Variants in SECISBP2 observed in about 807,000 individuals in gnomAD.
SECISBP2 encodes selenocysteine insertion sequence-binding protein 2.
In SECISBP2, 96 loss-of-function variants were observed where a neutral mutation model predicts 98.2. The ratio of observed to expected loss-of-function variants is 0.98; its 90% CI spans 0.83 to 1.16. The LOEUF is 1.16. Ranked by LOEUF, SECISBP2 falls within the 50% of genes most tolerant of loss-of-function variation. The probability of loss-of-function intolerance (pLI) is 0.00; values close to 1 mark genes in which losing one functional copy is unlikely to be tolerated. For synonymous variants in SECISBP2, 407 were observed against 370.2 expected, an observed-to-expected ratio of 1.10 and a Z score of -1.14; for missense variants, 1,046 against 1,022.9, an observed-to-expected ratio of 1.02 and a Z score of -0.31.
At position 89,341,407 on chromosome 9, in the gene SECISBP2, A is replaced by G. The variant is rs1336714627; in HGVS notation, c.1363A>G (p.Met455Val). 9 of 1,614,012 alleles carry G rather than the reference A, an allele frequency of 5.6e-6. No homozygotes were observed. The highest frequency in any genetic ancestry group is 5.0e-5 in the Admixed American group (3 of 60,010). Residue 455 changes from methionine (M) to valine (V), a missense_variant, in exon 10 of 17, where the codon ATG becomes GTG. By Grantham distance (21) the Met-to-Val change is conservative (BLOSUM62 1). Coordinates refer to ENST00000375807, the MANE Select transcript of SECISBP2 (RefSeq NM_024077.5). ...QLPVQLDLGG[M>V]LTALEKKQHS... is the part of the protein sequence containing the mutation. ...TCCAGTGCAGTTGGACTTGGGGGGC[A>G]TGCTGACAGCCCTGGAGAAGAAGCA... is the stretch of plus-strand genomic sequence containing the variant.
At position 89,324,930 on chromosome 9, in the gene SECISBP2, T is replaced by C. The variant is rs1826427326; in HGVS notation, c.183-497T>C. On this transcript the variant is annotated intron_variant, in intron 2 of 16. Transcript: ENST00000375807. ...CTGTTAGTAAAGTGTGTAGTTAACATCCACGGTGCCGTGCGGTGTCTGCTT... is the reference window on the plus strand; with the variant it reads ...CTGTTAGTAAAGTGTGTAGTTAACACCCACGGTGCCGTGCGGTGTCTGCTT... The C allele has an allele frequency of 2.8e-5, 5 of 178,138 alleles. 1 individual carries two copies. In the South Asian group the frequency reaches 5.9e-4, roughly 21 times the overall value. The allele number at this position is 178,138 out of a possible 1,614,324, so 11.0% of individuals were successfully genotyped here.
chr9:89,363,401 CCTTT>C (rs762557165), downstream of SECISBP2: 20 of 1,607,614 alleles, frequency 1.2e-5, no homozygotes, highest in South Asian at 1.1e-4. Flanking sequence ...CTCCAGCCCT[CCTTT>C]CTTTGCCCGG....
At chr9:89,357,890 T>A in intron 15 of SECISBP2, 109 bp from the exon 16 acceptor site, 2 of 1,213,432 alleles carry the variant, frequency 1.6e-6, no homozygotes, top group African/African-American at 3.0e-5. Flanking sequence ...GAGGTCCACA[T>A]TACCCCATGT....
At position 89,341,421 on chromosome 9, in the gene SECISBP2, G is replaced by T; in HGVS notation, c.1377G>T (p.Leu459=). The T allele has an allele frequency of 6.2e-7, 1 of 1,614,112 alleles. No homozygotes were observed. Among genetic ancestry groups the T allele is most frequent in the Non-Finnish European group, 8.5e-7 (1 of 1,179,982 alleles). The change falls in exon 10 of 17, where the codon CTG becomes CTT. Residue 459 remains leucine (L), a synonymous_variant. Coordinates refer to ENST00000375807, the MANE Select transcript of SECISBP2 (RefSeq NM_024077.5). ...ACTTGGGGGGCATGCTGACAGCCCTGGAGAAGAAGCAGCACTCTCAGCATG... is the reference window on the plus strand; with the variant it reads ...ACTTGGGGGGCATGCTGACAGCCCTTGAGAAGAAGCAGCACTCTCAGCATG... ...QLDLGGMLTA[L]EKKQHSQHAK... is the part of the protein sequence containing the mutation.
intron 5 of SECISBP2, chr9:89,330,201 TC>T (rs973363119): frequency 6.6e-6 from 1 of 152,254 alleles, no homozygotes; most frequent in Non-Finnish European, 1.5e-5. Context: ...TACATCTTTG[TC>T]TTGTTAATGA....
intron 4 of SECISBP2, among the ~76,000 whole-genome samples, chr9:89,327,832 A>G (rs1424460666): frequency 6.9e-6 from 1 of 144,924 alleles, no homozygotes; most frequent in Non-Finnish European, 1.5e-5. Flanking sequence ...TTTTTTTGAG[A>G]CAGAGTCTCA....
chr9:89,329,629 T>C (rs1173306212), intron 5 of SECISBP2: 2 of 152,200 alleles, frequency 1.3e-5, no homozygotes, highest in Non-Finnish European at 2.9e-5. Context: ...ATCTGGCTAA[T>C]TTTTTTGTAT....
At chr9:89,364,021 A>AG (rs770320800), downstream of SECISBP2, 3 of 1,612,838 alleles carry the variant, frequency 1.9e-6, no homozygotes, top group East Asian at 4.5e-5. Flanking sequence ...ATGAGGGTGC[A>AG]GGGGGGTTAC....
chr9:89,319,734 C>A lies in SECISBP2; in HGVS notation c.119C>A (p.Ala40Glu), dbSNP rs897562021. ...GTGGCATGGTTAGAGTCCTCAGAAG[C>A]ATGTGTCTTCCCCAGCTCTGCAGCC... ...LNVAWLESSE[A>E]CVFPSSAATY... Residue 40 changes from alanine to glutamate, a missense_variant, in exon 2 of 17, where the codon GCA becomes GAA. Ala to Glu is a moderately radical substitution (Grantham distance 107). Coordinates refer to ENST00000375807, the MANE Select transcript of SECISBP2 (RefSeq NM_024077.5). 1.9e-6 allele frequency: 3 copies of A among 1,614,140 alleles called. No homozygotes were observed. The highest frequency in any genetic ancestry group is 2.5e-6 in the Non-Finnish European group (3 of 1,179,976).
intron 2 of SECISBP2, chr9:89,325,084 A>C: frequency 6.0e-6 from 2 of 335,944 alleles, no homozygotes; most frequent in Non-Finnish European, 1.1e-5. Context: ...TCCCCGCAGC[A>C]GAGAGAATGG....
rs1829648127 is a variant in SECISBP2 at position 89,341,482 on chromosome 9, A to G, written c.1435+3A>G. The G allele has an allele frequency of 6.2e-7, 1 of 1,613,924 alleles. No individual in the cohort carries two copies. The highest frequency in any genetic ancestry group is 8.5e-7 in the Non-Finnish European group (1 of 1,179,986). ...CTCCAAACCAGTGGTAGTCTCAGGT[A>G]AGAGAGTCTTTCCATCTCAGGCAAG... On this transcript the variant is annotated splice_donor_region_variant and intron_variant, in intron 10 of 16. Coordinates refer to ENST00000375807, the MANE Select transcript of SECISBP2 (RefSeq NM_024077.5).
intron 6 of SECISBP2, among the ~76,000 whole-genome samples, chr9:89,333,856 C>T (rs1381364080): frequency 2.0e-5 from 3 of 152,078 alleles, no homozygotes; most frequent in African/African-American, 4.8e-5. Flanking sequence ...TTCTCATGTT[C>T]GATATGTATG....
In SECISBP2 at chr9:89,334,785, G is replaced by A. The variant is rs1381725378; in HGVS notation, c.1089+55G>A. The A allele has an allele frequency of 3.0e-6, 4 of 1,317,778 alleles. No individual in the cohort carries two copies. In the East Asian group the frequency reaches 6.9e-5, roughly 23 times the overall value. 81.6% of individuals were successfully genotyped at this position (1,317,778 alleles called of 1,614,324 possible). On this transcript the variant is annotated intron_variant, in intron 7 of 16. Transcript: ENST00000375807. ...TGGTGGTTGCCAGGGGCTCAGTAGA[G>A]TGGGGAATGAGAAGTTATTTATTAA...
At chr9:89,331,210 T>G (rs1185672499) in intron 5 of SECISBP2, among the ~76,000 whole-genome samples, 1 of 152,252 alleles carries the variant, frequency 6.6e-6, no homozygotes, top group African/African-American at 2.4e-5. Context: ...TACGTTTGAA[T>G]TGTTTAAAAC....
chr9:89,326,798 TA>T (rs932049966), intron 4 of SECISBP2, among the ~76,000 whole-genome samples: 16 of 152,218 alleles, frequency 1.1e-4, no homozygotes, highest in African/African-American at 3.9e-4. Context: ...TCCTAGGTTA[TA>T]AACCTTTAGA....
chr9:89,335,951 A>G (rs766507390), intron 7 of SECISBP2, among the ~76,000 whole-genome samples: 9 of 152,190 alleles, frequency 5.9e-5, no homozygotes, highest in Non-Finnish European at 1.3e-4. Flanking sequence ...GAGTACTAGT[A>G]GCAAAATAAT....
At chr9:89,357,825 G>A (rs564902616) in intron 15 of SECISBP2, among the ~76,000 whole-genome samples, 174 bp from the exon 16 acceptor site, 8 of 152,224 alleles carry the variant, frequency 5.3e-5, no homozygotes, top group East Asian at 1.9e-4. Context: ...CCAAGAAGTC[G>A]GCCTAGCCCA....
At chr9:89,359,772 T>C (rs1832619229), downstream of SECISBP2, 1 of 152,262 alleles carries the variant, frequency 6.6e-6, no homozygotes, top group Non-Finnish European at 1.5e-5. Context: ...TAGTGGGGGT[T>C]CTGCTATCCC....
chr9:89,341,696 G>T (rs555282238), intron 10 of SECISBP2, among the ~76,000 whole-genome samples: 17 of 152,304 alleles, frequency 1.1e-4, no homozygotes, highest in African/African-American at 3.4e-4. Flanking sequence ...CAAAGTCCAT[G>T]AATAGAACAA....
Sources: gnomAD v4.1 joint callset for allele counts (sites outside exome capture counted in the v4.1 genomes callset) on GRCh38, gnomAD v4.1.1 for gene constraint, MANE v1.5 for transcripts, NCBI Gene and HGNC (gene_info 2026-07-23, HGNC 2026-07-21) for gene names.